The following NCKAP5 variants were observed in gnomAD, a reference collection of about 807,000 sequenced individuals.
NCKAP5 encodes NCK associated protein 5, also known as nck-associated protein 5.
In NCKAP5, 92 loss-of-function variants were observed where a neutral mutation model predicts 167.0. The observed-to-expected ratio is 0.55, with a 90% CI of 0.47 to 0.66. The LOEUF (loss-of-function observed/expected upper bound fraction) is 0.66, where lower values mean the gene tolerates loss of function less well. Ranked by LOEUF, NCKAP5 falls within the 30% of genes least tolerant of loss-of-function variation. The pLI, the probability that NCKAP5 is intolerant of heterozygous loss-of-function variation, is 0.00. For missense variants in NCKAP5, 2,378 were observed against 2,315.0 expected (o/e 1.03, Z -0.56); for synonymous variants, 891 against 877.4 (o/e 1.02, Z -0.27).
intron 19 of NCKAP5, among the ~76,000 whole-genome samples, chr2:132,703,447 G>A (rs1216193800): frequency 6.6e-6 from 1 of 152,072 alleles, no homozygotes; most frequent in Non-Finnish European, 1.5e-5. Flanking sequence ...TTATTGCCTG[G>A]ATTTACTAGA....
chr2:133,042,453 C>G (rs2079247041), intron 6 of NCKAP5, among the ~76,000 whole-genome samples: 1 of 152,116 alleles, frequency 6.6e-6, no homozygotes, highest in African/African-American at 2.4e-5. Context: ...GAAAGGTGAG[C>G]AGACAGTAAA....
At chr2:133,440,845 G>C (rs1223445421) in intron 3 of NCKAP5, among the ~76,000 whole-genome samples, 1 of 151,824 alleles carries the variant, frequency 6.6e-6, no homozygotes, top group Non-Finnish European at 1.5e-5. Flanking sequence ...CCAGTTGCAA[G>C]GGTTAAATGA....
intron 16 of NCKAP5, among the ~76,000 whole-genome samples, chr2:132,758,757 G>C (rs1431181865): frequency 6.6e-6 from 1 of 152,168 alleles, no homozygotes; most frequent in Non-Finnish European, 1.5e-5. Flanking sequence ...GAATGGCACA[G>C]ATCAGACGAG....
At chr2:133,504,446 T>C (rs1682818788) in intron 3 of NCKAP5, among the ~76,000 whole-genome samples, 1 of 121,204 alleles carries the variant, frequency 8.3e-6, no homozygotes, top group Admixed American at 8.5e-5. Context: ...AGCACATGCA[T>C]TTAAGGTAGC....
rs548105136 is a variant in NCKAP5, at chr2:132,969,204, AT to A, written c.430-5336del. ...AGGCAGGTGCCACCACACCAGGCTGATTTTTGTGTTTTTAGTAGAGATGGGG... is the reference window on the plus strand; with the variant it reads ...AGGCAGGTGCCACCACACCAGGCTGATTTTGTGTTTTTAGTAGAGATGGGG... On this transcript the variant is annotated intron_variant, in intron 7 of 19. Transcript: ENST00000409261. Among the ~76,000 whole-genome samples the A allele has an allele frequency of 4.4e-3, 663 of 151,894 alleles. 8 individuals are homozygous for A. Among genetic ancestry groups the A allele is most frequent in the African/African-American group, 0.016 (645 of 41,404 alleles).
intron 3 of NCKAP5, among the ~76,000 whole-genome samples, chr2:133,318,909 C>T (rs992019036): frequency 8.5e-5 from 13 of 152,176 alleles, no homozygotes; most frequent in Admixed American, 4.6e-4. Context: ...TCTAATGCAA[C>T]GGTTCTCCCA....
chr2:133,569,858 A>G (rs376080906), upstream of NCKAP5, among the ~76,000 whole-genome samples: 1 of 152,226 alleles, frequency 6.6e-6, no homozygotes, highest in East Asian at 1.9e-4. Flanking sequence ...TGGGTCTTCA[A>G]TGAGCCCCAT....
At chr2:132,774,136 T>C (rs984852575) in intron 15 of NCKAP5, among the ~76,000 whole-genome samples, 2 of 152,208 alleles carry the variant, frequency 1.3e-5, no homozygotes, top group Admixed American at 6.5e-5. Flanking sequence ...TTTTCAGACA[T>C]ATAACCTCAT....
At chr2:132,717,480 T>C (rs149624262) in intron 19 of NCKAP5, among the ~76,000 whole-genome samples, 3 of 152,242 alleles carry the variant, frequency 2.0e-5, no homozygotes, top group South Asian at 2.1e-4. Context: ...GAATTTTCTA[T>C]AATATAGCAA....
intron 6 of NCKAP5, among the ~76,000 whole-genome samples, chr2:133,120,984 C>G (rs1412871015): frequency 6.6e-6 from 1 of 151,954 alleles, no homozygotes. Flanking sequence ...CTTATGATGG[C>G]AAAGGTTATT....
intron 16 of NCKAP5, among the ~76,000 whole-genome samples, chr2:132,735,174 A>AG (rs67311271): frequency 0.22 from 32,930 of 151,976 alleles, 3,875 homozygotes; most frequent in Non-Finnish European, 0.28. Context: ...ACTTCTCGCC[A>AG]GGATTTTTTT....
intron 11 of NCKAP5, among the ~76,000 whole-genome samples, chr2:132,814,921 G>T (rs2105286853): frequency 6.6e-6 from 1 of 152,264 alleles, no homozygotes; most frequent in South Asian, 2.1e-4. Flanking sequence ...AGCATGTCTG[G>T]AGTTCCGTAA....
intron 8 of NCKAP5, among the ~76,000 whole-genome samples, chr2:132,899,497 G>A (rs1693455400): frequency 6.6e-6 from 1 of 152,228 alleles, no homozygotes; most frequent in Non-Finnish European, 1.5e-5. Context: ...GGCTGTTTGG[G>A]GCATGAGGCC....
chr2:132,745,037 GA>G (rs1010465726), intron 16 of NCKAP5, among the ~76,000 whole-genome samples: 3 of 151,764 alleles, frequency 2.0e-5, no homozygotes, highest in African/African-American at 7.2e-5. Flanking sequence ...TTATAAGGAT[GA>G]AAAAAATGAT....
intron 4 of NCKAP5, 57 bp from the exon 5 acceptor site, chr2:133,213,836 G>A (rs890068293): frequency 1.4e-5 from 22 of 1,544,042 alleles, no homozygotes; most frequent in Non-Finnish European, 1.5e-5. Flanking sequence ...GGTGACACTG[G>A]CATGGCCGTG....
chr2:133,165,944 G>A (rs1037456103), intron 5 of NCKAP5, among the ~76,000 whole-genome samples: 48 of 152,166 alleles, frequency 3.2e-4, no homozygotes, highest in African/African-American at 1.2e-3. Context: ...GTCAACCAAT[G>A]TTTGAGTGCC....
At chr2:132,690,844 C>G (rs892508262) in intron 19 of NCKAP5, among the ~76,000 whole-genome samples, 1 of 152,186 alleles carries the variant, frequency 6.6e-6, no homozygotes, top group Non-Finnish European at 1.5e-5. Flanking sequence ...ACCCACTTCT[C>G]CCTCACTGCT....
intron 4 of NCKAP5, among the ~76,000 whole-genome samples, chr2:133,278,785 A>G (rs1361865060): frequency 1.3e-5 from 2 of 149,290 alleles, no homozygotes; most frequent in Non-Finnish European, 3.0e-5. Flanking sequence ...TAAACTACAA[A>G]AAAAAAAAAA....
chr2:133,533,456 C>T (rs1438545397), intron 2 of NCKAP5, among the ~76,000 whole-genome samples: 1 of 152,180 alleles, frequency 6.6e-6, no homozygotes, highest in Non-Finnish European at 1.5e-5. Flanking sequence ...TATAAACCTT[C>T]CTCTTTCTCT....
Sources: allele counts gnomAD v4.1 joint callset (sites outside exome capture counted in the v4.1 genomes callset), GRCh38; gene constraint gnomAD v4.1.1; transcripts MANE v1.5; gene names NCBI Gene and HGNC (gene_info 2026-07-23, HGNC 2026-07-21).